Variants in BCAS3 observed in about 807,000 individuals in gnomAD.
BCAS3 encodes BCAS3 microtubule associated cell migration factor, also known as BCAS4/BCAS3 fusion.
In BCAS3, 53 loss-of-function variants were observed where a neutral mutation model predicts 116.1. That is an observed-to-expected ratio of 0.46 (90% CI 0.37 to 0.57). The LOEUF is 0.57. BCAS3 is among the 20% of genes least tolerant of loss of function. The probability of loss-of-function intolerance (pLI) is 0.00; values close to 1 mark genes in which losing one functional copy is unlikely to be tolerated. For missense variants in BCAS3, 917 were observed against 1,165.4 expected (o/e 0.79, Z 3.10); for synonymous variants, 391 against 408.2 (o/e 0.96, Z 0.51).
chr17:60,797,863 A>T (rs554326378), intron 6 of BCAS3, among the ~76,000 whole-genome samples: 1 of 152,280 alleles, frequency 6.6e-6, no homozygotes, highest in East Asian at 1.9e-4. Flanking sequence ...CAACATGGCG[A>T]GACCCCGTTT....
intron 6 of BCAS3, among the ~76,000 whole-genome samples, chr17:60,767,547 A>G (rs1055661969): frequency 2.6e-5 from 4 of 151,802 alleles, no homozygotes; most frequent in African/African-American, 4.8e-5. Flanking sequence ...GGGTTTCACC[A>G]TGCTGGCCAG....
chr17:61,000,378 C>T (rs2064153526), intron 15 of BCAS3, among the ~76,000 whole-genome samples: 2 of 152,114 alleles, frequency 1.3e-5, no homozygotes, highest in African/African-American at 4.8e-5. Flanking sequence ...AATCAGACTT[C>T]CTGGTGGTAG....
At chr17:61,385,957 C>T (rs1353142802) in intron 23 of BCAS3, among the ~76,000 whole-genome samples, 4 of 152,176 alleles carry the variant, frequency 2.6e-5, no homozygotes, top group Admixed American at 2.6e-4. Context: ...TGGTGAGGGC[C>T]TGGATGGCAG....
intron 22 of BCAS3, among the ~76,000 whole-genome samples, chr17:61,108,413 T>A (rs1168047428): frequency 4.6e-5 from 7 of 152,150 alleles, no homozygotes; most frequent in Non-Finnish European, 1.0e-4. Context: ...TGTAGACCAT[T>A]TACATTGAAT....
chr17:60,997,732 A>G (rs1031199091), intron 15 of BCAS3, among the ~76,000 whole-genome samples: 4 of 152,190 alleles, frequency 2.6e-5, no homozygotes, highest in Admixed American at 1.3e-4. Context: ...CCCCATCTTT[A>G]AAGGCCAGCT....
At chr17:60,686,687 G>A (rs545319594) in intron 3 of BCAS3, among the ~76,000 whole-genome samples, 17 of 151,918 alleles carry the variant, frequency 1.1e-4, no homozygotes, top group Admixed American at 7.2e-4. Context: ...CAACACGCCC[G>A]GCCAATTTTT....
At chr17:60,992,191 CACACACACACACA>C (rs2063569363) in intron 15 of BCAS3, among the ~76,000 whole-genome samples, 1 of 104,378 alleles carries the variant, frequency 9.6e-6, no homozygotes. Context: ...CGATGACTTA[CACACACACACACA>C]CACACACACA....
chr17:60,804,208 C>T (rs887023760), intron 6 of BCAS3, among the ~76,000 whole-genome samples: 12 of 150,674 alleles, frequency 8.0e-5, no homozygotes, highest in East Asian at 7.9e-4. Flanking sequence ...ATTGGCTGGG[C>T]GTGGTGGCTC....
intron 6 of BCAS3, among the ~76,000 whole-genome samples, chr17:60,787,794 G>A (rs2046405403): frequency 6.6e-6 from 1 of 152,118 alleles, no homozygotes; most frequent in Non-Finnish European, 1.5e-5. Context: ...CAGCATTACT[G>A]AGGCAGGGGT....
chr17:60,890,205 G>T (rs2057042077), intron 10 of BCAS3, among the ~76,000 whole-genome samples: 1 of 152,362 alleles, frequency 6.6e-6, no homozygotes, highest in East Asian at 1.9e-4. Flanking sequence ...TGTAATCCCA[G>T]CACTTTGGGA....
Position 61,230,142 on chromosome 17 carries a change from TACACACACAC to T in BCAS3, c.2426-138161_2426-138152del, listed in dbSNP as rs58423435. 6.3e-3 allele frequency among the ~76,000 whole-genome samples: 939 copies of T among 149,420 alleles called. 8 individuals are homozygous for T. The highest frequency in any genetic ancestry group is 0.019 in the African/African-American group (775 of 40,730). ...TCTGTCTCAAAAAAAAGTGTGTGTATACACACACACACACACACACACACACACACACATA... is the reference window on the plus strand; with the variant it reads ...TCTGTCTCAAAAAAAAGTGTGTGTATACACACACACACACACACACACATA... On this transcript the variant is annotated intron_variant, in intron 22 of 23. Transcript: ENST00000407086.
Position 61,363,673 on chromosome 17 carries a change from C to G in BCAS3, c.2426-4654C>G, listed in dbSNP as rs1206497476. 6.6e-6 allele frequency among the ~76,000 whole-genome samples: 1 copy of G among 151,918 alleles called. No homozygotes were observed. The highest frequency in any genetic ancestry group is 6.6e-5 in the Admixed American group (1 of 15,224). On this transcript the variant is annotated intron_variant, in intron 22 of 23. Coordinates refer to ENST00000407086, the MANE Select transcript of BCAS3 (RefSeq NM_017679.5). The surrounding 1 kb of genome is among the most constrained non-coding windows in gnomAD (Gnocchi z 4.9). The stretch of plus-strand genomic sequence containing the variant: ...AACTGAAATAGCAAATGTGAGAGGG[C>G]TTTGTAAATAGCAGAGCACTGCTTC...
chr17:61,312,545 CT>C (rs908726997), intron 22 of BCAS3, among the ~76,000 whole-genome samples: 39 of 152,242 alleles, frequency 2.6e-4, no homozygotes, highest in South Asian at 1.2e-3. Flanking sequence ...CTTGCTCCAA[CT>C]TTTTTTTCTT....
rs1356205622 is a variant in BCAS3 at position 61,258,230 on chromosome 17, T to C, written c.2426-110097T>C. Among the ~76,000 whole-genome samples, 1 of 152,248 alleles carries C rather than the reference T, an allele frequency of 6.6e-6. No homozygotes were observed. Among genetic ancestry groups the C allele is most frequent in the Non-Finnish European group, 1.5e-5 (1 of 68,038 alleles). ...GTCTTTAATAGTCATTGCCCTCTTA[T>C]GGGACTTACCATGTTTCGCCTGATG... On this transcript the variant is annotated intron_variant, in intron 22 of 23. Transcript: ENST00000407086. This position sits in a 1 kb window ranked among gnomAD's most constrained non-coding sequence, Gnocchi z 4.7.
intron 14 of BCAS3, among the ~76,000 whole-genome samples, chr17:60,951,955 A>G (rs7221513): frequency 0.046 from 7,008 of 151,846 alleles, 516 homozygotes; most frequent in African/African-American, 0.16. Flanking sequence ...TATTTTTAGT[A>G]GAGACAGGGT....
At chr17:61,110,456 C>G (rs1036293876) in intron 22 of BCAS3, among the ~76,000 whole-genome samples, 17 of 152,232 alleles carry the variant, frequency 1.1e-4, no homozygotes, top group Admixed American at 5.9e-4. Context: ...AGGGAGTTCC[C>G]TTTCCGAGTC....
At position 61,376,119 on chromosome 17, in the gene BCAS3, C is replaced by A. The variant is rs1208786641; in HGVS notation, c.2593+7625C>A. On this transcript the variant is annotated intron_variant, in intron 23 of 23. Transcript: ENST00000407086. This position sits in a 1 kb window ranked among gnomAD's most constrained non-coding sequence, Gnocchi z 4.5. ...CTACTGGCCCAACTCATTGCAAGGCCATGGAAATAGGAACTGACAGTGTTG... is the reference window on the plus strand; with the variant it reads ...CTACTGGCCCAACTCATTGCAAGGCAATGGAAATAGGAACTGACAGTGTTG... Among the ~76,000 whole-genome samples the A allele has an allele frequency of 6.6e-6, 1 of 152,118 alleles. No individual in the cohort carries two copies.
intron 7 of BCAS3, among the ~76,000 whole-genome samples, chr17:60,834,778 T>C (rs1289213739): frequency 6.6e-6 from 1 of 151,996 alleles, no homozygotes; most frequent in Non-Finnish European, 1.5e-5. Context: ...TGTATTTTTT[T>C]GTTTATCATA....
At chr17:60,747,756 G>A (rs1287808677) in intron 6 of BCAS3, among the ~76,000 whole-genome samples, 5 of 152,154 alleles carry the variant, frequency 3.3e-5, no homozygotes, top group African/African-American at 1.2e-4. Context: ...TCTCTGGGCT[G>A]TAGATGACTC....
Sources: allele counts gnomAD v4.1 joint callset (sites outside exome capture counted in the v4.1 genomes callset), GRCh38; gene constraint gnomAD v4.1.1; non-coding constraint Gnocchi (gnomAD v3.1); transcripts MANE v1.5; gene names NCBI Gene and HGNC (gene_info 2026-07-23, HGNC 2026-07-21).